The following CADM2 variants were observed in gnomAD, a reference collection of about 807,000 sequenced individuals.
CADM2 encodes the protein cell adhesion molecule 2, also known as immunoglobulin superfamily member 4D.
In CADM2, 12 loss-of-function variants were observed where a neutral mutation model predicts 49.8. The observed-to-expected ratio is 0.24, with a 90% CI of 0.15 to 0.39. The LOEUF is 0.39. CADM2 is among the 10% of genes least tolerant of loss of function. The pLI is 1.00. For synonymous variants in CADM2, 214 were observed against 175.4 expected, an observed-to-expected ratio of 1.22 and a Z score of -1.74; for missense variants, 378 against 492.3, an observed-to-expected ratio of 0.77 and a Z score of 2.20.
intron 1 of CADM2, among the ~76,000 whole-genome samples, chr3:85,477,859 T>C (rs2039043463): frequency 6.6e-6 from 1 of 151,926 alleles, no homozygotes; most frequent in African/African-American, 2.4e-5. Context: ...TAAACTAGTG[T>C]GTAAATAACA....
chr3:85,102,978 A>C (rs1326231466), intron 1 of CADM2, among the ~76,000 whole-genome samples: 1 of 152,212 alleles, frequency 6.6e-6, no homozygotes, highest in Non-Finnish European at 1.5e-5. Flanking sequence ...TAAATACAGC[A>C]TACGGCTATG....
At chr3:85,529,200 A>G (rs2061240380) in intron 1 of CADM2, among the ~76,000 whole-genome samples, 1 of 152,176 alleles carries the variant, frequency 6.6e-6, no homozygotes, top group Non-Finnish European at 1.5e-5. Context: ...CTAAACCTGG[A>G]ATTTCTGACT....
In CADM2 at chr3:84,959,350, G is replaced by A; in HGVS notation, c.-258G>A. The A allele has an allele frequency of 1.8e-6, 1 of 559,728 alleles. No individual in the cohort carries two copies. The highest frequency in any genetic ancestry group is 2.1e-5 in the South Asian group (1 of 47,414). The allele number at this position is 559,728 out of a possible 1,614,324, so 34.7% of individuals were successfully genotyped here. ...AGCTCCAAACCCCTGCCTGGAAGAC[G>A]GGCTGTCGCGGCTGCACCACCAGCA... On this transcript the variant is annotated 5_prime_UTR_variant, in exon 1 of 10. Coordinates refer to ENST00000383699, the MANE Select transcript of CADM2 (RefSeq NM_001167675.2).
intron 5 of CADM2, among the ~76,000 whole-genome samples, chr3:85,907,287 A>G (rs1716930819): frequency 6.6e-6 from 1 of 152,148 alleles, no homozygotes; most frequent in South Asian, 2.1e-4. Context: ...ATCCATCAAA[A>G]ACCACTTTTA....
At chr3:85,346,000 A>C (rs2030603794) in intron 1 of CADM2, among the ~76,000 whole-genome samples, 1 of 152,178 alleles carries the variant, frequency 6.6e-6, no homozygotes, top group African/African-American at 2.4e-5. Context: ...ACAATTGGGG[A>C]ATCTGAATTA....
intron 1 of CADM2, among the ~76,000 whole-genome samples, chr3:85,399,063 A>G (rs1351138014): frequency 6.6e-6 from 1 of 152,182 alleles, no homozygotes; most frequent in Non-Finnish European, 1.5e-5. Context: ...TGTTTTAGAC[A>G]TGAAGTCTTT....
chr3:85,741,716 C>T (rs2068400258), intron 2 of CADM2, among the ~76,000 whole-genome samples: 1 of 152,186 alleles, frequency 6.6e-6, no homozygotes, highest in African/African-American at 2.4e-5. Context: ...TGTTCCACTA[C>T]CACCTTTATT....
chr3:85,115,543 C>A (rs1045903120), intron 1 of CADM2, among the ~76,000 whole-genome samples: 1 of 152,104 alleles, frequency 6.6e-6, no homozygotes, highest in Non-Finnish European at 1.5e-5. Flanking sequence ...GCAGTCAATT[C>A]GGTCTAGGTT....
intron 1 of CADM2, among the ~76,000 whole-genome samples, chr3:85,061,744 A>C (rs944017931): frequency 6.6e-6 from 1 of 152,140 alleles, no homozygotes; most frequent in African/African-American, 2.4e-5. Context: ...ACATAGATAC[A>C]TATAATGTGA....
intron 1 of CADM2, among the ~76,000 whole-genome samples, chr3:85,232,703 A>G (rs762949828): frequency 7.2e-5 from 11 of 152,324 alleles, no homozygotes; most frequent in Non-Finnish European, 8.8e-5. Context: ...TTGCAAATTG[A>G]AACAGCAATG....
intron 5 of CADM2, among the ~76,000 whole-genome samples, chr3:85,904,530 C>T (rs114485016): frequency 5.3e-5 from 8 of 152,280 alleles, no homozygotes; most frequent in Admixed American, 1.3e-4. Context: ...ATACCATAGA[C>T]TCTATCTGTT....
At chr3:85,551,546 G>T (rs987143748) in intron 1 of CADM2, among the ~76,000 whole-genome samples, 7 of 151,976 alleles carry the variant, frequency 4.6e-5, no homozygotes, top group African/African-American at 1.5e-4. Context: ...AGCATGGCAT[G>T]GTTTTTCATG....
intron 1 of CADM2, among the ~76,000 whole-genome samples, chr3:85,010,589 C>CT (rs1213112336): frequency 2.0e-5 from 3 of 152,038 alleles, no homozygotes; most frequent in Non-Finnish European, 4.4e-5. Flanking sequence ...TTAAGTTTCC[C>CT]TTTAAGATCA....
At chr3:85,998,318 T>C (rs1011997764) in intron 8 of CADM2, among the ~76,000 whole-genome samples, 2 of 152,244 alleles carry the variant, frequency 1.3e-5, no homozygotes, top group Admixed American at 1.3e-4. Flanking sequence ...GATAGTTTTA[T>C]GACATTTCTC....
intron 8 of CADM2, among the ~76,000 whole-genome samples, chr3:86,011,760 A>G (rs1731539830): frequency 1.3e-5 from 2 of 152,174 alleles, no homozygotes; most frequent in Admixed American, 6.5e-5. Flanking sequence ...ATGTAAAAAA[A>G]GAAAAATGCT....
chr3:85,537,444 T>C (rs990970789), intron 1 of CADM2, among the ~76,000 whole-genome samples: 3 of 151,902 alleles, frequency 2.0e-5, no homozygotes, highest in African/African-American at 7.2e-5. Context: ...TAAAATCTTA[T>C]ATGGTTATCA....
At chr3:85,038,654 G>A (rs573171446) in intron 1 of CADM2, among the ~76,000 whole-genome samples, 8 of 152,142 alleles carry the variant, frequency 5.3e-5, no homozygotes, top group Non-Finnish European at 1.2e-4. Flanking sequence ...ACATTTACTA[G>A]CATGTTGCCT....
At chr3:85,810,785 C>T (rs1340945286) in intron 3 of CADM2, among the ~76,000 whole-genome samples, 1 of 152,294 alleles carries the variant, frequency 6.6e-6, no homozygotes, top group South Asian at 2.1e-4. Context: ...AGAGATCCGC[C>T]TGCCTCAGCC....
At chr3:85,448,843 G>A (rs1257894850) in intron 1 of CADM2, among the ~76,000 whole-genome samples, 1 of 151,822 alleles carries the variant, frequency 6.6e-6, no homozygotes, top group Non-Finnish European at 1.5e-5. Flanking sequence ...GAGGTCAGGA[G>A]ATCGAGACCA....
Sources: allele counts gnomAD v4.1 joint callset (sites outside exome capture counted in the v4.1 genomes callset), GRCh38; gene constraint gnomAD v4.1.1; transcripts MANE v1.5; gene names NCBI Gene and HGNC (gene_info 2026-07-23, HGNC 2026-07-21).